CSMD1: variants seen among roughly 807,000 people sequenced by gnomAD.
CSMD1 encodes CUB and sushi domain-containing protein 1.
A neutral mutation model predicts 417.5 loss-of-function variants in CSMD1; 213 were observed. The ratio of observed to expected loss-of-function variants is 0.51; its 90% confidence interval spans 0.46 to 0.57. The LOEUF is 0.57. Among genes scored for constraint, CSMD1 ranks in the 20% least tolerant of loss-of-function variants. CSMD1 has a pLI of 0.00. For missense variants in CSMD1, 6,923 were observed against 4,529.7 expected (o/e 1.53, Z -15.17); for synonymous variants, 2,862 against 1,736.8 (o/e 1.65, Z -16.11).
Position 2,951,114 on chromosome 8 carries a change from C to A in CSMD1, c.10201G>T (p.Gly3401Cys), listed in dbSNP as rs1324507785. Residue 3401 changes from glycine to cysteine, a missense_variant and splice_region_variant, in exon 66 of 70, where the codon GGC (glycine) becomes TGC (cysteine). Gly to Cys is a radical substitution (Grantham distance 159, BLOSUM62 -3). Transcript: ENST00000635120. ...GTTTAGTGAATTCTTCGGGACCTAC[C>A]TGTCAACTTCAGCTCCACTGGCGAG... Reference protein sequence around the residue: ...EASPVELKLTGIYKKEEAHLL... With the variant: ...EASPVELKLTCIYKKEEAHLL... 1 of 1,611,400 alleles carries A rather than the reference C, an allele frequency of 6.2e-7. No homozygotes were observed. Among genetic ancestry groups the A allele is most frequent in the Non-Finnish European group, 8.5e-7 (1 of 1,178,758 alleles).
chr8:3,822,384 TAA>T (rs143776323), intron 5 of CSMD1, among the ~76,000 whole-genome samples: 1 of 152,136 alleles, frequency 6.6e-6, no homozygotes, highest in Admixed American at 6.5e-5. Context: ...AAGCAAGCAG[TAA>T]AAAAGAGTCT....
At chr8:3,874,434 G>C (rs1373927519) in intron 5 of CSMD1, among the ~76,000 whole-genome samples, 1 of 152,188 alleles carries the variant, frequency 6.6e-6, no homozygotes, top group Admixed American at 6.5e-5. Context: ...ATCAAACTAA[G>C]TAATCAGAAA....
At chr8:3,217,232 G>A (rs941913135) in intron 29 of CSMD1, among the ~76,000 whole-genome samples, 2 of 152,242 alleles carry the variant, frequency 1.3e-5, no homozygotes, top group African/African-American at 2.4e-5. Flanking sequence ...GCATGCAATG[G>A]CATCATTCCT....
chr8:4,488,523 C>G (rs976539957), intron 2 of CSMD1, among the ~76,000 whole-genome samples: 1 of 152,060 alleles, frequency 6.6e-6, no homozygotes, highest in African/African-American at 2.4e-5. Flanking sequence ...CATTGGATTT[C>G]TACAATGTTT....
At chr8:3,699,920 G>T in intron 7 of CSMD1, among the ~76,000 whole-genome samples, 1 of 151,096 alleles carries the variant, frequency 6.6e-6, no homozygotes, top group South Asian at 2.1e-4. Flanking sequence ...TACATCCCTG[G>T]GTTATATCCC....
rs533282122 is a variant in CSMD1, at chr8:3,294,022, G to C, written c.3951-9676C>G. Among the ~76,000 whole-genome samples the C allele has an allele frequency of 9.7e-4, 106 of 109,102 alleles. 1 individual carries two copies. Among genetic ancestry groups the C allele is most frequent in the Middle Eastern group, 5.6e-3 (1 of 180 alleles). 71.6% of individuals were successfully genotyped at this position (109,102 alleles called of 152,430 possible). A position where few individuals can be genotyped will look rare whatever the true frequency, so the allele number is the denominator to read the frequency against. On this transcript the variant is annotated intron_variant, in intron 25 of 69. Transcript: ENST00000635120. ...GGGTTTTGGTGTGGATGTCCTTTCT[G>C]TTTGTTAGTTTTCCTTCTAACAGTC...
intron 6 of CSMD1, among the ~76,000 whole-genome samples, chr8:3,736,535 T>G (rs73658228): frequency 0.016 from 2,405 of 152,256 alleles, 61 homozygotes; most frequent in African/African-American, 0.053. Context: ...GTGGACCACA[T>G]GAGTAGAATA....
intron 10 of CSMD1, among the ~76,000 whole-genome samples, chr8:3,520,888 C>G (rs1402309786): frequency 6.6e-6 from 1 of 152,136 alleles, no homozygotes; most frequent in East Asian, 1.9e-4. Flanking sequence ...TTGTGTCTAG[C>G]ACTGGAACCT....
chr8:3,921,204 T>A (rs1809229554), intron 5 of CSMD1, among the ~76,000 whole-genome samples: 1 of 152,148 alleles, frequency 6.6e-6, no homozygotes, highest in Non-Finnish European at 1.5e-5. Context: ...GTTATCCACA[T>A]TTTGCGTATA....
At chr8:4,755,048 G>A (rs1288378923) in intron 1 of CSMD1, among the ~76,000 whole-genome samples, 2 of 152,052 alleles carry the variant, frequency 1.3e-5, no homozygotes, top group Admixed American at 1.3e-4. Flanking sequence ...TGAGGCAGAA[G>A]AATTGCTTGA....
At chr8:4,877,625 C>G (rs535765062) in intron 1 of CSMD1, among the ~76,000 whole-genome samples, 21 of 152,052 alleles carry the variant, frequency 1.4e-4, no homozygotes, top group African/African-American at 5.1e-4. Context: ...TTTCCTAATC[C>G]TATATTTCCA....
intron 1 of CSMD1, among the ~76,000 whole-genome samples, chr8:4,835,071 G>A (rs556412903): frequency 6.6e-6 from 1 of 150,618 alleles, no homozygotes; most frequent in African/African-American, 2.4e-5. Flanking sequence ...AAACAAAAGC[G>A]TTTCTTCACT....
chr8:3,201,510 C>A, intron 32 of CSMD1, 102 bp downstream of exon 32: 1 of 548,824 alleles, frequency 1.8e-6, no homozygotes, highest in Non-Finnish European at 3.1e-6. Flanking sequence ...AAAATGATTA[C>A]ATTTCTCATT....
intron 1 of CSMD1, among the ~76,000 whole-genome samples, chr8:4,640,759 A>G (rs1803137742): frequency 6.6e-6 from 1 of 151,228 alleles, no homozygotes; most frequent in Admixed American, 6.6e-5. Context: ...TGTAATTTGT[A>G]TTTCTTCAGG....
intron 1 of CSMD1, among the ~76,000 whole-genome samples, chr8:4,931,192 A>C (rs188639389): frequency 1.2e-3 from 178 of 152,338 alleles, no homozygotes; most frequent in African/African-American, 4.2e-3. Context: ...GGGCAGTCCT[A>C]AAAGATTGAA....
At chr8:3,437,182 T>C (rs1361958555) in intron 12 of CSMD1, among the ~76,000 whole-genome samples, 1 of 152,118 alleles carries the variant, frequency 6.6e-6, no homozygotes, top group Admixed American at 6.6e-5. Context: ...ATAATACTGT[T>C]CAAGGGGAAA....
chr8:4,878,831 T>A (rs1048219701), intron 1 of CSMD1, among the ~76,000 whole-genome samples: 1 of 151,254 alleles, frequency 6.6e-6, no homozygotes, highest in East Asian at 2.0e-4. Flanking sequence ...AGAGGAGAAA[T>A]TTTTAATATG....
intron 2 of CSMD1, among the ~76,000 whole-genome samples, chr8:4,619,410 T>G (rs929274832): frequency 6.6e-6 from 1 of 152,162 alleles, no homozygotes; most frequent in Non-Finnish European, 1.5e-5. Flanking sequence ...ATGAAATAAT[T>G]AATTTAGTCC....
At chr8:4,559,515 G>T (rs1269781163) in intron 2 of CSMD1, among the ~76,000 whole-genome samples, 1 of 152,114 alleles carries the variant, frequency 6.6e-6, no homozygotes, top group Non-Finnish European at 1.5e-5. Flanking sequence ...AGAGACGAGG[G>T]TTCATATTAA....
Sources: allele counts gnomAD v4.1 joint callset (sites outside exome capture counted in the v4.1 genomes callset), GRCh38; gene constraint gnomAD v4.1.1; transcripts MANE v1.5; gene names NCBI Gene and HGNC (gene_info 2026-07-23, HGNC 2026-07-21).